Variants in ZDHHC17 observed in about 807,000 individuals in gnomAD.
ZDHHC17 encodes the protein zDHHC palmitoyltransferase 17, also known as palmitoyltransferase ZDHHC17.
ZDHHC17 carries 40 observed loss-of-function variants against 90.3 expected under a neutral mutation model. The observed-to-expected ratio is 0.44, with a 90% CI of 0.34 to 0.58. The LOEUF (loss-of-function observed/expected upper bound fraction) is 0.58. Ranked by LOEUF, ZDHHC17 falls within the 20% of genes least tolerant of loss-of-function variation. The pLI, the probability that ZDHHC17 is intolerant of heterozygous loss-of-function variation, is 0.01. For synonymous variants in ZDHHC17, 235 were observed against 252.4 expected, an observed-to-expected ratio of 0.93 and a Z score of 0.65; for missense variants, 614 against 780.8, an observed-to-expected ratio of 0.79 and a Z score of 2.55.
chr12:76,780,970 AC>A (rs1325771053), intron 1 of ZDHHC17, among the ~76,000 whole-genome samples: 1 of 150,548 alleles, frequency 6.6e-6, no homozygotes, highest in Non-Finnish European at 1.5e-5. Flanking sequence ...TACTAAAAAT[AC>A]AAAAAAAAAA....
At chr12:76,847,478 A>G (rs1953508085) in intron 14 of ZDHHC17, among the ~76,000 whole-genome samples, 1 of 152,232 alleles carries the variant, frequency 6.6e-6, no homozygotes, top group South Asian at 2.1e-4. Context: ...CTGGCCCAGC[A>G]CACCTGAGGA....
chr12:76,806,954 T>C (rs1158414486), intron 3 of ZDHHC17, among the ~76,000 whole-genome samples: 4 of 152,258 alleles, frequency 2.6e-5, no homozygotes, highest in Non-Finnish European at 5.9e-5. Flanking sequence ...CTCACTGTTC[T>C]CTAATTTAAT....
At chr12:76,788,501 A>C (rs1036390765) in intron 1 of ZDHHC17, among the ~76,000 whole-genome samples, 1 of 152,164 alleles carries the variant, frequency 6.6e-6, no homozygotes, top group Non-Finnish European at 1.5e-5. Flanking sequence ...TGAAAGCATA[A>C]ATGAACAGTT....
chr12:76,772,877 A>G (rs1234144145), intron 1 of ZDHHC17, among the ~76,000 whole-genome samples: 4 of 151,588 alleles, frequency 2.6e-5, no homozygotes, highest in African/African-American at 9.7e-5. Flanking sequence ...TGGGAGAGGG[A>G]TGGAGTTTTG....
intron 1 of ZDHHC17, among the ~76,000 whole-genome samples, chr12:76,797,036 G>A (rs904398702): frequency 6.6e-6 from 1 of 152,166 alleles, no homozygotes. Context: ...AGGCCAAGGC[G>A]GGCGGATCAC....
intron 7 of ZDHHC17, chr12:76,820,940 C>T (rs1210808365): frequency 1.7e-6 from 1 of 589,834 alleles, no homozygotes; most frequent in Admixed American, 2.7e-5. Flanking sequence ...TAATATACTT[C>T]TTTAAATGAA....
At chr12:76,815,653 A>G (rs1953078119) in intron 6 of ZDHHC17, among the ~76,000 whole-genome samples, 2 of 151,878 alleles carry the variant, frequency 1.3e-5, no homozygotes, top group South Asian at 2.1e-4. Context: ...AACTATTAAT[A>G]TATTATTTTA....
At chr12:76,819,556 C>T (rs1204829746) in intron 7 of ZDHHC17, among the ~76,000 whole-genome samples, 1 of 152,080 alleles carries the variant, frequency 6.6e-6, no homozygotes, top group Non-Finnish European at 1.5e-5. Flanking sequence ...CCTAAAATAC[C>T]TATTTTCTAT....
At chr12:76,771,034 C>T (rs1395268732) in intron 1 of ZDHHC17, among the ~76,000 whole-genome samples, 1 of 151,664 alleles carries the variant, frequency 6.6e-6, no homozygotes, top group African/African-American at 2.4e-5. Flanking sequence ...TCTCTTTCAG[C>T]GCATTATCTG....
intron 1 of ZDHHC17, among the ~76,000 whole-genome samples, chr12:76,772,644 T>C (rs11115315): frequency 0.011 from 1,665 of 150,716 alleles, 11 homozygotes; most frequent in Non-Finnish European, 0.017. Flanking sequence ...AAGCAGTTCT[T>C]CTGCCTCAGC....
chr12:76,811,716 CA>C (rs1194876473), intron 5 of ZDHHC17, among the ~76,000 whole-genome samples: 1 of 120,676 alleles, frequency 8.3e-6, no homozygotes, highest in Non-Finnish European at 1.8e-5. Flanking sequence ...AATGAAATCT[CA>C]CCTCTCCCCT....
intron 1 of ZDHHC17, among the ~76,000 whole-genome samples, chr12:76,783,745 G>A (rs1952654966): frequency 6.6e-6 from 1 of 152,222 alleles, no homozygotes; most frequent in Non-Finnish European, 1.5e-5. Flanking sequence ...AGTTTTTACA[G>A]AAATAATTAA....
intron 2 of ZDHHC17, among the ~76,000 whole-genome samples, chr12:76,803,254 A>C (rs1194397782): frequency 6.6e-6 from 1 of 152,166 alleles, no homozygotes; most frequent in African/African-American, 2.4e-5. Flanking sequence ...CCCTGTCTCA[A>C]AAAAGAAAAA....
At chr12:76,809,686 C>A in intron 4 of ZDHHC17, 27 bp from the exon 5 acceptor site, 1 of 1,404,436 alleles carries the variant, frequency 7.1e-7, no homozygotes, top group Admixed American at 3.2e-5. Context: ...CTTTATATAT[C>A]TAAGTGTTTA....
intron 1 of ZDHHC17, among the ~76,000 whole-genome samples, chr12:76,792,674 T>C (rs1438557640): frequency 6.6e-6 from 1 of 152,062 alleles, no homozygotes; most frequent in African/African-American, 2.4e-5. Flanking sequence ...AAAAAAACCT[T>C]CTGACTGTCA....
chr12:76,837,646 T>G (rs1411333178), intron 10 of ZDHHC17, among the ~76,000 whole-genome samples: 3 of 152,190 alleles, frequency 2.0e-5, no homozygotes, highest in Non-Finnish European at 4.4e-5. Context: ...GGAGGTTATA[T>G]TTGTATACTA....
At chr12:76,773,514 A>T (rs754918489) in intron 1 of ZDHHC17, among the ~76,000 whole-genome samples, 1 of 152,058 alleles carries the variant, frequency 6.6e-6, no homozygotes, top group Non-Finnish European at 1.5e-5. Flanking sequence ...AGTTTTGTTC[A>T]TTTACTTTTC....
chr12:76,831,427 T>C (rs1406817824), intron 10 of ZDHHC17, among the ~76,000 whole-genome samples: 3 of 152,166 alleles, frequency 2.0e-5, no homozygotes, highest in East Asian at 1.9e-4. Flanking sequence ...CTTGGCTCAC[T>C]GCAACCTCTG....
intron 1 of ZDHHC17, among the ~76,000 whole-genome samples, chr12:76,795,682 A>G (rs1952811220): frequency 6.6e-6 from 1 of 152,218 alleles, no homozygotes; most frequent in Non-Finnish European, 1.5e-5. Flanking sequence ...GAGAAATTAA[A>G]TAGAAAAGAT....
Sources: allele counts gnomAD v4.1 joint callset (sites outside exome capture counted in the v4.1 genomes callset), GRCh38; gene constraint gnomAD v4.1.1; transcripts MANE v1.5; gene names NCBI Gene and HGNC (gene_info 2026-07-23, HGNC 2026-07-21).